ELF1: variants seen among roughly 807,000 people sequenced by gnomAD.
ELF1 encodes the protein E74 like ETS transcription factor 1.
ELF1 carries 24 observed loss-of-function variants against 59.9 expected under a neutral mutation model. The observed-to-expected ratio is 0.40, with a 90% CI of 0.29 to 0.56. The LOEUF (loss-of-function observed/expected upper bound fraction) is 0.56, where lower values mean the gene tolerates loss of function less well. Ranked by LOEUF, ELF1 falls within the 20% of genes least tolerant of loss-of-function variation. The pLI, the probability that ELF1 is intolerant of heterozygous loss-of-function variation, is 0.44. For synonymous variants in ELF1, 248 were observed against 266.2 expected, an observed-to-expected ratio of 0.93 and a Z score of 0.67; for missense variants, 627 against 742.2, an observed-to-expected ratio of 0.84 and a Z score of 1.80.
intron 1 of ELF1, among the ~76,000 whole-genome samples, chr13:41,054,167 G>T (rs1248527957): frequency 6.6e-6 from 1 of 152,116 alleles, no homozygotes; most frequent in Admixed American, 6.5e-5. Context: ...GAGCAAAGAA[G>T]TACCATCTAA....
Position 40,941,118 on chromosome 13 carries a change from T to C in ELF1, c.1059A>G (p.Ala353=). The C allele has an allele frequency of 1.2e-6, 2 of 1,614,222 alleles. No individual in the cohort carries two copies. Among genetic ancestry groups the C allele is most frequent in the Non-Finnish European group, 1.7e-6 (2 of 1,180,042 alleles). ...CAACTTCCACAGGATCTTTGGGTTT[T>C]GCAGCTTTAGAATTCCCTGGTTTTA... ...TVLKPGNSKA[A]KPKDPVEVAQ... is the part of the protein sequence containing the mutation. The change falls in exon 8 of 9, where the codon GCA becomes GCG. Residue 353 remains alanine (A), a synonymous_variant. Coordinates refer to ENST00000239882, the MANE Select transcript of ELF1 (RefSeq NM_172373.4).
At position 41,004,964 on chromosome 13, in the gene ELF1, C is replaced by T. The variant is rs150448426; in HGVS notation, c.-229+14264G>A. 6.6e-5 allele frequency among the ~76,000 whole-genome samples: 10 copies of T among 152,154 alleles called. No individual in the cohort carries two copies. In the East Asian group the frequency reaches 1.7e-3, roughly 26 times the overall value. On this transcript the variant is annotated intron_variant, in intron 1 of 8. Coordinates refer to ENST00000239882, the MANE Select transcript of ELF1 (RefSeq NM_172373.4). ...CTAGCTTTATGCTTAACTGGTCTCC[C>T]CAGTGGCAAATTAAAGCAGCAATTG... is the stretch of plus-strand genomic sequence containing the variant.
Position 40,948,408 on chromosome 13 carries a change from G to A in ELF1, c.529+1398C>T, listed in dbSNP as rs150168107. Among the ~76,000 whole-genome samples the A allele has an allele frequency of 5.8e-3, 878 of 152,288 alleles. 8 individuals are homozygous for A. The highest frequency in any genetic ancestry group is 0.014 in the South Asian group (69 of 4,830). On this transcript the variant is annotated intron_variant, in intron 5 of 8. Transcript: ENST00000239882. ...GTCTCTGTCCGATACCCCATCTTGCGTAGCCCAAGACCTAAGCTTCTGCCT... is the reference window on the plus strand; with the variant it reads ...GTCTCTGTCCGATACCCCATCTTGCATAGCCCAAGACCTAAGCTTCTGCCT...
chr13:40,980,842 T>C (rs1054562442), intron 2 of ELF1, among the ~76,000 whole-genome samples: 9 of 152,122 alleles, frequency 5.9e-5, no homozygotes, highest in African/African-American at 2.2e-4. Flanking sequence ...TAAATCCATA[T>C]CACTATTAAT....
At chr13:40,957,699 T>C (rs1871541050) in intron 3 of ELF1, among the ~76,000 whole-genome samples, 1 of 152,134 alleles carries the variant, frequency 6.6e-6, no homozygotes, top group Admixed American at 6.5e-5. Flanking sequence ...TAAACTTCTT[T>C]TCTTTATAAG....
At chr13:40,995,662 TAAA>T (rs79517348) in intron 1 of ELF1, among the ~76,000 whole-genome samples, 4 of 140,158 alleles carry the variant, frequency 2.9e-5, no homozygotes, top group Admixed American at 7.2e-5. Context: ...ATATCCACAT[TAAA>T]AAAAAAAAAA....
chr13:41,047,180 T>C (rs1243891402), intron 1 of ELF1, among the ~76,000 whole-genome samples: 1 of 152,226 alleles, frequency 6.6e-6, no homozygotes, highest in East Asian at 1.9e-4. Context: ...GCCATTTGTC[T>C]AATCTTTTTT....
At chr13:40,981,277 A>T (rs1034717667) in intron 2 of ELF1, among the ~76,000 whole-genome samples, 1 of 152,112 alleles carries the variant, frequency 6.6e-6, no homozygotes, top group Non-Finnish European at 1.5e-5. Context: ...TAACTTGTTT[A>T]AAATGAAGTT....
At chr13:41,042,655 T>G (rs1174876323) in intron 1 of ELF1, among the ~76,000 whole-genome samples, 2 of 152,236 alleles carry the variant, frequency 1.3e-5, no homozygotes, top group South Asian at 4.1e-4. Context: ...TTTTTATGGC[T>G]GCATAGTATT....
intron 1 of ELF1, among the ~76,000 whole-genome samples, chr13:40,985,828 A>AAT (rs1243431655): frequency 1.3e-5 from 2 of 152,244 alleles, no homozygotes; most frequent in African/African-American, 2.4e-5. Flanking sequence ...ACCCATCCTT[A>AAT]ATTATCTATT....
chr13:40,985,743 G>A (rs1046483658), intron 1 of ELF1, among the ~76,000 whole-genome samples: 2 of 152,020 alleles, frequency 1.3e-5, no homozygotes, highest in African/African-American at 2.4e-5. Flanking sequence ...ATGGGCACTC[G>A]GATTAGAAAA....
chr13:40,977,252 C>G (rs935387936), intron 2 of ELF1, among the ~76,000 whole-genome samples: 4 of 151,980 alleles, frequency 2.6e-5, no homozygotes, highest in African/African-American at 9.7e-5. Flanking sequence ...CATGCTAACA[C>G]GCTTGTTAAG....
intron 2 of ELF1, among the ~76,000 whole-genome samples, chr13:40,973,087 C>T (rs899120038): frequency 2.6e-5 from 4 of 152,078 alleles, no homozygotes; most frequent in African/African-American, 9.7e-5. Flanking sequence ...TAGAATAGGG[C>T]AAATGCAGAA....
chr13:41,016,476 C>A (rs1005507169), intron 1 of ELF1, among the ~76,000 whole-genome samples: 9 of 152,106 alleles, frequency 5.9e-5, no homozygotes, highest in African/African-American at 2.2e-4. Flanking sequence ...AGATTACTAT[C>A]TTATAATAAG....
intron 1 of ELF1, among the ~76,000 whole-genome samples, chr13:40,983,872 C>A (rs1873418512): frequency 6.6e-6 from 1 of 152,110 alleles, no homozygotes; most frequent in African/African-American, 2.4e-5. Flanking sequence ...TCTGTTATTT[C>A]CTATGCCTGC....
intron 2 of ELF1, among the ~76,000 whole-genome samples, chr13:40,981,655 A>G (rs1873278150): frequency 6.6e-6 from 1 of 152,164 alleles, no homozygotes. Context: ...CACATACATT[A>G]AAAGGCAGTA....
chr13:41,002,246 G>T (rs192998812), intron 1 of ELF1, among the ~76,000 whole-genome samples: 239 of 152,190 alleles, frequency 1.6e-3, no homozygotes, highest in African/African-American at 5.3e-3. Context: ...TGTGTACTGG[G>T]ATTTTTAAAA....
chr13:41,056,543 C>T (rs1877293387), intron 1 of ELF1, among the ~76,000 whole-genome samples: 1 of 152,174 alleles, frequency 6.6e-6, no homozygotes, highest in South Asian at 2.1e-4. Context: ...TTTTGAGGAA[C>T]TGCCAAACTG....
intron 1 of ELF1, among the ~76,000 whole-genome samples, chr13:41,058,357 C>T (rs1877365070): frequency 6.6e-6 from 1 of 152,158 alleles, no homozygotes; most frequent in South Asian, 2.1e-4. Context: ...TTCACATTCC[C>T]CAACAGGAGA....
Sources: allele counts gnomAD v4.1 joint callset (sites outside exome capture counted in the v4.1 genomes callset), GRCh38; gene constraint gnomAD v4.1.1; transcripts MANE v1.5; gene names NCBI Gene and HGNC (gene_info 2026-07-23, HGNC 2026-07-21).